LONP2: variants seen among roughly 807,000 people sequenced by gnomAD.
LONP2 encodes lon peptidase 2, peroxisomal, also known as lon protease homolog 2, peroxisomal.
LONP2 carries 60 observed loss-of-function variants against 85.6 expected under a neutral mutation model. The ratio of observed to expected loss-of-function variants is 0.70; its 90% CI spans 0.57 to 0.87. The LOEUF (loss-of-function observed/expected upper bound fraction) is 0.87, where lower values mean the gene tolerates loss of function less well. Among genes scored for constraint, LONP2 ranks in the 40% least tolerant of loss-of-function variants. The pLI, the probability that LONP2 is intolerant of heterozygous loss-of-function variation, is 0.00. For missense variants in LONP2, 860 were observed against 1,063.5 expected (o/e 0.81, Z 2.66); for synonymous variants, 395 against 389.7 (o/e 1.01, Z -0.16).
intron 12 of LONP2, among the ~76,000 whole-genome samples, chr16:48,340,019 G>A (rs1248546203): frequency 2.0e-5 from 3 of 152,204 alleles, no homozygotes; most frequent in Non-Finnish European, 2.9e-5. Flanking sequence ...TTCTGGGAGA[G>A]CATCATGCCT....
chr16:48,339,380 T>C (rs1219633070), intron 12 of LONP2, among the ~76,000 whole-genome samples: 3 of 152,162 alleles, frequency 2.0e-5, no homozygotes, highest in African/African-American at 7.2e-5. Context: ...GTTGGTGACC[T>C]TGAAAGAGAT....
intron 9 of LONP2, among the ~76,000 whole-genome samples, chr16:48,297,524 G>T (rs1421322100): frequency 1.3e-5 from 2 of 152,140 alleles, no homozygotes; most frequent in African/African-American, 2.4e-5. Flanking sequence ...TGGCCAGGCT[G>T]GTCTTGAACT....
intron 8 of LONP2, among the ~76,000 whole-genome samples, chr16:48,291,664 C>G (rs1388035439): frequency 1.3e-5 from 2 of 152,144 alleles, no homozygotes; most frequent in Admixed American, 1.3e-4. Flanking sequence ...TGAAAGTGGC[C>G]CTGGATGTGG....
intron 6 of LONP2, among the ~76,000 whole-genome samples, 185 bp from the exon 7 acceptor site, chr16:48,269,831 C>G (rs1972065160): frequency 1.3e-5 from 2 of 152,078 alleles, no homozygotes; most frequent in South Asian, 2.1e-4. Flanking sequence ...TCTGGGGACA[C>G]TAAGTCTTAA....
chr16:48,266,845 C>T (rs903404165), intron 6 of LONP2, among the ~76,000 whole-genome samples: 1 of 151,976 alleles, frequency 6.6e-6, no homozygotes, highest in South Asian at 2.1e-4. Flanking sequence ...AATCCTAGCA[C>T]TTTGAGAGAC....
At chr16:48,283,920 A>G (rs960153647) in intron 8 of LONP2, among the ~76,000 whole-genome samples, 1 of 152,192 alleles carries the variant, frequency 6.6e-6, no homozygotes, top group Admixed American at 6.5e-5. Context: ...TGCCATTAAG[A>G]ACATTCATGA....
chr16:48,259,076 T>C (rs1971823157), intron 4 of LONP2, among the ~76,000 whole-genome samples: 2 of 152,222 alleles, frequency 1.3e-5, no homozygotes, highest in Admixed American at 1.3e-4. Flanking sequence ...AAGAAACTAA[T>C]ACAAAACTCT....
At chr16:48,359,543 C>G (rs1960496008), downstream of LONP2, among the ~76,000 whole-genome samples, 1 of 152,070 alleles carries the variant, frequency 6.6e-6, no homozygotes, top group African/African-American at 2.4e-5. Context: ...TGGTGAAACC[C>G]CGTCTCTACT....
Position 48,352,655 on chromosome 16 carries a change from C to G in LONP2, c.*853C>G, listed in dbSNP as rs547818112. On this transcript the variant is annotated 3_prime_UTR_variant, in exon 15 of 15. Coordinates refer to ENST00000285737, the MANE Select transcript of LONP2 (RefSeq NM_031490.5). ...TCTAAAAAAAAAAGACTCAAGTGGA[C>G]CCTACAATGAAGCCTACACATCCCA... 4.6e-5 allele frequency: 7 copies of G among 152,256 alleles called. No individual in the cohort carries two copies. The South Asian group carries it at 1.5e-3, about 32-fold the overall frequency. 9.4% of individuals were successfully genotyped at this position (152,256 alleles called of 1,614,324 possible).
intron 14 of LONP2, among the ~76,000 whole-genome samples, chr16:48,350,149 G>T (rs1005135585): frequency 3.9e-5 from 6 of 152,214 alleles, no homozygotes; most frequent in Admixed American, 6.5e-5. Context: ...ACTTTGGGAG[G>T]CCAAGGTGGG....
intron 2 of LONP2, 110 bp from the exon 3 acceptor site, chr16:48,256,500 T>C (rs976814166): frequency 9.6e-5 from 111 of 1,150,750 alleles, no homozygotes; most frequent in Non-Finnish European, 1.3e-4. Flanking sequence ...CAGTGATCTT[T>C]CAAAAACAAA....
chr16:48,315,159 C>A (rs1376217891), intron 11 of LONP2, among the ~76,000 whole-genome samples: 1 of 152,152 alleles, frequency 6.6e-6, no homozygotes, highest in Non-Finnish European at 1.5e-5. Flanking sequence ...AATGACAATT[C>A]GGTAGGATTC....
rs1221380885 is a variant in LONP2, at chr16:48,351,980, T to G, written c.*178T>G. 22 of 601,524 alleles carry G rather than the reference T, an allele frequency of 3.7e-5. No homozygotes were observed. The highest frequency in any genetic ancestry group is 5.9e-5 in the Admixed American group (2 of 33,646). The allele number at this position is 601,524 out of a possible 1,614,324, so 37.3% of individuals were successfully genotyped here. On this transcript the variant is annotated 3_prime_UTR_variant, in exon 15 of 15. Coordinates refer to ENST00000285737, the MANE Select transcript of LONP2 (RefSeq NM_031490.5). The stretch of plus-strand genomic sequence containing the variant: ...TAGTATAGAAATATAAGATGTTGAT[T>G]TAGTAAACTGATAAAAATCGAATTC...
In LONP2 at chr16:48,354,014, C is replaced by T; in HGVS notation, c.*2212C>T. 1 of 129,846 alleles carries T rather than the reference C, an allele frequency of 7.7e-6. No homozygotes were observed. The highest frequency in any genetic ancestry group is 2.9e-5 in the African/African-American group (1 of 34,430). The allele number at this position is 129,846 out of a possible 1,614,324, so 8.0% of individuals were successfully genotyped here. A position where few individuals can be genotyped will look rare whatever the true frequency, so the allele number is the denominator to read the frequency against. On this transcript the variant is annotated 3_prime_UTR_variant, in exon 15 of 15. Transcript: ENST00000285737. Reference sequence around the variant, plus strand: ...GGTTTGTTTTGTTTTTTTTTTAATTCCAGGGGTGGGAGGTTGGTTGGTTGA... The same window carrying T: ...GGTTTGTTTTGTTTTTTTTTTAATTTCAGGGGTGGGAGGTTGGTTGGTTGA...
At chr16:48,264,412 C>T (rs1426520704) in intron 6 of LONP2, among the ~76,000 whole-genome samples, 1 of 152,202 alleles carries the variant, frequency 6.6e-6, no homozygotes, top group Non-Finnish European at 1.5e-5. Context: ...CTTCCATTTG[C>T]TTTTGAAAGA....
intron 11 of LONP2, among the ~76,000 whole-genome samples, chr16:48,322,272 A>T (rs1973281252): frequency 6.6e-6 from 1 of 152,234 alleles, no homozygotes; most frequent in African/African-American, 2.4e-5. Flanking sequence ...TCACAAAAAA[A>T]AATTCACAAC....
At position 48,303,556 on chromosome 16, in the gene LONP2, G is replaced by A. The variant is rs1972852307; in HGVS notation, c.1795+251G>A. On this transcript the variant is annotated intron_variant, in intron 11 of 14. Coordinates refer to ENST00000285737, the MANE Select transcript of LONP2 (RefSeq NM_031490.5). ...CTTTGAGGATATAGGAACTGTATTA[G>A]GGTTCACTAGAGGGACAAGACTAAT... Among the ~76,000 whole-genome samples the A allele has an allele frequency of 2.6e-5, 4 of 152,150 alleles. No homozygotes were observed. The South Asian group carries it at 8.3e-4, about 32-fold the overall frequency.
At chr16:48,245,283 CAT>C (rs1359006113) in intron 1 of LONP2, among the ~76,000 whole-genome samples, 1 of 152,306 alleles carries the variant, frequency 6.6e-6, no homozygotes, top group Non-Finnish European at 1.5e-5. Context: ...CTCCTTCACT[CAT>C]AACATTTCTT....
chr16:48,269,467 T>C (rs560505778), intron 6 of LONP2, among the ~76,000 whole-genome samples: 2 of 152,100 alleles, frequency 1.3e-5, no homozygotes, highest in Non-Finnish European at 2.9e-5. Flanking sequence ...ATATATTAAG[T>C]GAAAAAAACA....
Sources: gnomAD v4.1 joint callset for allele counts (sites outside exome capture counted in the v4.1 genomes callset) on GRCh38, gnomAD v4.1.1 for gene constraint, MANE v1.5 for transcripts, NCBI Gene and HGNC (gene_info 2026-07-23, HGNC 2026-07-21) for gene names.